Variants in DNAJC5 observed in about 807,000 individuals in gnomAD.
DNAJC5 encodes dnaJ homolog subfamily C member 5.
Under a neutral mutation model 23.2 loss-of-function variants are expected in DNAJC5, and 1 was observed. That is an observed-to-expected ratio of 0.04 (90% CI 0.02 to 0.20). DNAJC5 has a LOEUF of 0.20. Ranked by LOEUF, DNAJC5 falls within the 10% of genes least tolerant of loss-of-function variation. The pLI is 1.00. For synonymous variants in DNAJC5, 136 were observed against 120.0 expected (o/e 1.13, Z -0.87); for missense variants, 180 against 267.0 (o/e 0.67, Z 2.27).
In DNAJC5 at chr20:63,931,653, A is replaced by T. The variant is rs879054739; in HGVS notation, c.*85A>T. On this transcript the variant is annotated 3_prime_UTR_variant, in exon 5 of 5. Coordinates refer to ENST00000360864, the MANE Select transcript of DNAJC5 (RefSeq NM_025219.3). This position sits in a 1 kb window ranked among gnomAD's most constrained non-coding sequence, Gnocchi z 9.6. ...CATGAACTGTAGTCACAGAGATGGG[A>T]AGGCAGCCTCCTGCCTGCCCTGGCC... 2.4e-5 allele frequency: 33 copies of T among 1,377,122 alleles called. No homozygotes were observed. In the South Asian group the frequency reaches 4.1e-4, roughly 17 times the overall value. The allele number at this position is 1,377,122 out of a possible 1,614,324, so 85.3% of individuals were successfully genotyped here. A position where few individuals can be genotyped will look rare whatever the true frequency, so the allele number is the denominator to read the frequency against.
chr20:63,922,334 G>A (rs1029053313), intron 1 of DNAJC5, among the ~76,000 whole-genome samples: 11 of 151,866 alleles, frequency 7.2e-5, no homozygotes, highest in African/African-American at 2.4e-4. Context: ...GTGGTGGCGC[G>A]CGCCTGTAAT....
Position 63,931,143 on chromosome 20 carries a change from T to A in DNAJC5, c.493+121T>A. On this transcript the variant is annotated intron_variant, in intron 4 of 4. Coordinates refer to ENST00000360864, the MANE Select transcript of DNAJC5 (RefSeq NM_025219.3). The surrounding 1 kb of genome is among the most constrained non-coding windows in gnomAD (Gnocchi z 9.6). ...GACACTGTGCCGCGAGTGTTTGTGG[T>A]GGCAGCTGGGACTGTTGAGGTGTGA... The A allele has an allele frequency of 1.8e-6, 2 of 1,127,926 alleles. No individual in the cohort carries two copies. Among genetic ancestry groups the A allele is most frequent in the Non-Finnish European group, 2.6e-6 (2 of 770,754 alleles). The allele number at this position is 1,127,926 out of a possible 1,614,324, so 69.9% of individuals were successfully genotyped here.
In DNAJC5 at chr20:63,920,555, G is replaced by A. The variant is rs925627236; in HGVS notation, c.-11-7780G>A. Among the ~76,000 whole-genome samples, 5 of 152,270 alleles carry A rather than the reference G, an allele frequency of 3.3e-5. No individual in the cohort carries two copies. Among genetic ancestry groups the A allele is most frequent in the Non-Finnish European group, 5.9e-5 (4 of 68,048 alleles). On this transcript the variant is annotated intron_variant, in intron 1 of 4. Transcript: ENST00000360864. This position sits in a 1 kb window ranked among gnomAD's most constrained non-coding sequence, Gnocchi z 4.6. ...TTTCAGAAGCTCAGCGTCCCTGCACGTGTGCGGTCTTGTCTGCCTAGGCAT... is the reference window on the plus strand; with the variant it reads ...TTTCAGAAGCTCAGCGTCCCTGCACATGTGCGGTCTTGTCTGCCTAGGCAT...
intron 1 of DNAJC5, among the ~76,000 whole-genome samples, chr20:63,917,005 G>A (rs940661025): frequency 3.9e-5 from 6 of 152,114 alleles, no homozygotes; most frequent in Non-Finnish European, 8.8e-5. Context: ...TCAAACGCAC[G>A]TTTTACAGTT....
At chr20:63,912,581 G>C (rs1323039437) in intron 1 of DNAJC5, among the ~76,000 whole-genome samples, 1 of 152,132 alleles carries the variant, frequency 6.6e-6, no homozygotes, top group African/African-American at 2.4e-5. Context: ...ACCTGTCTGA[G>C]TATCCTTTGG....
intron 1 of DNAJC5, among the ~76,000 whole-genome samples, chr20:63,918,897 A>G (rs1376479810): frequency 1.3e-5 from 2 of 152,194 alleles, no homozygotes; most frequent in African/African-American, 2.4e-5. Context: ...CCCGGCTGAT[A>G]TGTTCCATAT....
intron 1 of DNAJC5, chr20:63,908,835 A>T (rs891239489): frequency 6.6e-6 from 1 of 152,198 alleles, no homozygotes; most frequent in African/African-American, 2.4e-5. Context: ...GCAGTGGCTC[A>T]GGCCTGTAAT....
chr20:63,912,311 A>G, intron 1 of DNAJC5, among the ~76,000 whole-genome samples: 1 of 152,096 alleles, frequency 6.6e-6, no homozygotes, highest in East Asian at 1.9e-4. Context: ...TCCAAAAAAA[A>G]AAAAAAAAGA....
chr20:63,929,741 A>C lies in DNAJC5; in HGVS notation c.321+216A>C, dbSNP rs1600886487. Among the ~76,000 whole-genome samples, 3 of 151,720 alleles carry C rather than the reference A, an allele frequency of 2.0e-5. No individual in the cohort carries two copies. The highest frequency in any genetic ancestry group is 4.2e-4 in the South Asian group (2 of 4,814). On this transcript the variant is annotated intron_variant, in intron 3 of 4. Coordinates refer to ENST00000360864, the MANE Select transcript of DNAJC5 (RefSeq NM_025219.3). The surrounding 1 kb of genome is among the most constrained non-coding windows in gnomAD (Gnocchi z 8.6). ...GTCACTCCTGCCGTGCGGGCACCCG[A>C]GTCTCTCCTGCCATGTGGGCACCCG... is the stretch of plus-strand genomic sequence containing the variant.
chr20:63,928,746 A>G lies in DNAJC5; in HGVS notation c.107+294A>G, dbSNP rs1356680611. Among the ~76,000 whole-genome samples, 2 of 152,198 alleles carry G rather than the reference A, an allele frequency of 1.3e-5. No homozygotes were observed. The highest frequency in any genetic ancestry group is 2.9e-5 in the Non-Finnish European group (2 of 68,032). ...CTGTTTGAGGCCTCACAGGAGCCGC[A>G]GAGCGCTGGCATGGTCCTGTGGTCT... On this transcript the variant is annotated intron_variant, in intron 2 of 4. Transcript: ENST00000360864. This position sits in a 1 kb window ranked among gnomAD's most constrained non-coding sequence, Gnocchi z 4.6.
rs1051894010 is a variant in DNAJC5, at chr20:63,932,931, G to A, written c.*1363G>A. ...TTGCGTGTCCTAGACCTTGTGGGTG[G>A]CGCCCTGCATAGGGGAGCAGGGGGA... is the stretch of plus-strand genomic sequence containing the variant. On this transcript the variant is annotated 3_prime_UTR_variant, in exon 5 of 5. Coordinates refer to ENST00000360864, the MANE Select transcript of DNAJC5 (RefSeq NM_025219.3). The surrounding 1 kb of genome is among the most constrained non-coding windows in gnomAD (Gnocchi z 4.4). 1.3e-5 allele frequency: 2 copies of A among 152,488 alleles called. No individual in the cohort carries two copies. The highest frequency in any genetic ancestry group is 4.8e-5 in the African/African-American group (2 of 41,452). The allele number at this position is 152,488 out of a possible 1,614,324, so 9.4% of individuals were successfully genotyped here. A position where few individuals can be genotyped will look rare whatever the true frequency, so the allele number is the denominator to read the frequency against.
Position 63,928,328 on chromosome 20 carries a change from C to T in DNAJC5, c.-11-7C>T. On this transcript the variant is annotated splice_region_variant and splice_polypyrimidine_tract_variant and intron_variant, in intron 1 of 4. Coordinates refer to ENST00000360864, the MANE Select transcript of DNAJC5 (RefSeq NM_025219.3). This position sits in a 1 kb window ranked among gnomAD's most constrained non-coding sequence, Gnocchi z 4.6. ...TTGTGATACTTTCTTTTTATTTTTT[C>T]TTCTAGAATAGCCTAACATGGCAGA... The T allele has an allele frequency of 6.2e-7, 1 of 1,606,938 alleles. No homozygotes were observed. The highest frequency in any genetic ancestry group is 8.5e-7 in the Non-Finnish European group (1 of 1,174,248).
In DNAJC5 at chr20:63,895,142, T is replaced by TCGTCTC. The variant is rs2053363773; in HGVS notation, c.-190_-185dup. ...GGTGCGGGTGCGTGCGTGAGCGTGC[T>TCGTCTC]CGTCTCCGCTGCCGCTGCCGCTGCC... On this transcript the variant is annotated 5_prime_UTR_variant, in exon 1 of 5. Transcript: ENST00000360864. The TCGTCTC allele has an allele frequency of 6.5e-6, 1 of 152,722 alleles. No individual in the cohort carries two copies. The highest frequency in any genetic ancestry group is 2.4e-5 in the African/African-American group (1 of 40,818). 9.5% of individuals were successfully genotyped at this position (152,722 alleles called of 1,614,324 possible).
rs1241482813 is a variant in DNAJC5, at chr20:63,928,683, A to G, written c.107+231A>G. 6.6e-6 allele frequency among the ~76,000 whole-genome samples: 1 copy of G among 152,180 alleles called. No homozygotes were observed. Among genetic ancestry groups the G allele is most frequent in the Non-Finnish European group, 1.5e-5 (1 of 68,030 alleles). ...AAAATAGCACTTAGTAGAAACTGAC[A>G]CACTGTCCACAGTTCCATAGGGAGT... On this transcript the variant is annotated intron_variant, in intron 2 of 4. Coordinates refer to ENST00000360864, the MANE Select transcript of DNAJC5 (RefSeq NM_025219.3). The surrounding 1 kb of genome is among the most constrained non-coding windows in gnomAD (Gnocchi z 4.6).
intron 1 of DNAJC5, among the ~76,000 whole-genome samples, chr20:63,915,507 A>G (rs1454421015): frequency 6.6e-6 from 1 of 152,180 alleles, no homozygotes; most frequent in Non-Finnish European, 1.5e-5. Context: ...GATACTTGTA[A>G]CATTTTTAAC....
intron 1 of DNAJC5, among the ~76,000 whole-genome samples, chr20:63,917,327 T>C (rs916748297): frequency 6.6e-6 from 1 of 151,960 alleles, no homozygotes; most frequent in Non-Finnish European, 1.5e-5. Flanking sequence ...TGATCTTGGC[T>C]CACTGCAGCC....
chr20:63,922,573 A>G (rs2053581837), intron 1 of DNAJC5, among the ~76,000 whole-genome samples: 1 of 151,768 alleles, frequency 6.6e-6, no homozygotes, highest in African/African-American at 2.4e-5. Flanking sequence ...GGAATTCAAG[A>G]TCAGCCTGAG....
chr20:63,930,411 G>A (rs528340950), intron 3 of DNAJC5, among the ~76,000 whole-genome samples: 1 of 152,190 alleles, frequency 6.6e-6, no homozygotes, highest in East Asian at 1.9e-4. Context: ...GCAGTGGCGC[G>A]ATCTTGGCTC....
At position 63,931,889 on chromosome 20, in the gene DNAJC5, C is replaced by CG; in HGVS notation, c.*323dup. 2.5e-6 allele frequency: 1 copy of CG among 405,312 alleles called. No homozygotes were observed. Among genetic ancestry groups the CG allele is most frequent in the Non-Finnish European group, 4.7e-6 (1 of 212,586 alleles). The allele number at this position is 405,312 out of a possible 1,614,324, so 25.1% of individuals were successfully genotyped here. ...CACGGTGGAGCTGCCTCAGGGCTGT[C>CG]GGTCAGGTTGGTCCAGTGAGGGGTG... On this transcript the variant is annotated 3_prime_UTR_variant, in exon 5 of 5. Transcript: ENST00000360864. The surrounding 1 kb of genome is among the most constrained non-coding windows in gnomAD (Gnocchi z 9.6).
Sources: allele counts gnomAD v4.1 joint callset (sites outside exome capture counted in the v4.1 genomes callset), GRCh38; gene constraint gnomAD v4.1.1; non-coding constraint Gnocchi (gnomAD v3.1); transcripts MANE v1.5; gene names NCBI Gene and HGNC (gene_info 2026-07-23, HGNC 2026-07-21).